The following NYAP2 variants were observed in gnomAD, a reference collection of about 807,000 sequenced individuals.
NYAP2 encodes neuronal tyrosine-phosphorylated phosphoinositide-3-kinase adaptor 2.
NYAP2 carries 23 observed loss-of-function variants against 50.4 expected under a neutral mutation model. The observed-to-expected ratio is 0.46, with a 90% confidence interval of 0.33 to 0.65. The LOEUF (loss-of-function observed/expected upper bound fraction) is 0.65, where lower values mean the gene tolerates loss of function less well. Ranked by LOEUF, NYAP2 falls within the 30% of genes least tolerant of loss-of-function variation. The probability of loss-of-function intolerance (pLI) is 0.02; values close to 1 mark genes in which losing one functional copy is unlikely to be tolerated. For missense variants in NYAP2, 885 were observed against 861.0 expected (o/e 1.03, Z -0.35); for synonymous variants, 394 against 365.2 (o/e 1.08, Z -0.90).
chr2:225,492,362 G>T (rs1363570568), intron 3 of NYAP2, among the ~76,000 whole-genome samples: 1 of 152,120 alleles, frequency 6.6e-6, no homozygotes, highest in Non-Finnish European at 1.5e-5. Flanking sequence ...CTGGGGATAG[G>T]TAGGCCTGCT....
At chr2:225,560,280 T>C (rs1691849346) in intron 4 of NYAP2, among the ~76,000 whole-genome samples, 1 of 152,170 alleles carries the variant, frequency 6.6e-6, no homozygotes, top group African/African-American at 2.4e-5. Context: ...TACTTTATTG[T>C]ATAGTTATAA....
intron 3 of NYAP2, among the ~76,000 whole-genome samples, chr2:225,469,684 G>A (rs550808941): frequency 1.3e-5 from 2 of 152,312 alleles, no homozygotes; most frequent in South Asian, 4.1e-4. Context: ...AGAAGGATGA[G>A]TTCGTGTCCT....
At chr2:225,672,627 T>A in the NYAP2 span, among the ~76,000 whole-genome samples, 1 of 152,164 alleles carries the variant, frequency 6.6e-6, no homozygotes, top group African/African-American at 2.4e-5. Context: ...ACGTGGCATT[T>A]GGCCTATATT....
At chr2:225,622,518 C>CTTTCTTCT (rs149175182) in intron 5 of NYAP2, among the ~76,000 whole-genome samples, 1 of 70,398 alleles carries the variant, frequency 1.4e-5, no homozygotes, top group African/African-American at 4.2e-5. Flanking sequence ...TTCTTTCTTT[C>CTTTCTTCT]TTCTTTCTTT....
intron 5 of NYAP2, among the ~76,000 whole-genome samples, chr2:225,595,952 T>A (rs998340716): frequency 6.6e-6 from 1 of 152,174 alleles, no homozygotes; most frequent in Non-Finnish European, 1.5e-5. Flanking sequence ...GGTTCTAGCA[T>A]TTTTCCTCTC....
the NYAP2 span, among the ~76,000 whole-genome samples, chr2:225,664,177 A>G: frequency 6.6e-6 from 1 of 152,200 alleles, no homozygotes; most frequent in Non-Finnish European, 1.5e-5. Flanking sequence ...AAATTTGCTG[A>G]TGTGCACCGG....
At position 225,590,263 on chromosome 2, in the gene NYAP2, G is replaced by A. The variant is rs551268603; in HGVS notation, c.1618+7228G>A. Among the ~76,000 whole-genome samples, 18 of 152,332 alleles carry A rather than the reference G, an allele frequency of 1.2e-4. No homozygotes were observed. The South Asian group carries it at 3.7e-3, about 32-fold the overall frequency. ...TGCCTTAGCAAGGGTCCTTCCAGCAGCTCAGGAGGGAAATCAAGCCAGGAC... is the reference window on the plus strand; with the variant it reads ...TGCCTTAGCAAGGGTCCTTCCAGCAACTCAGGAGGGAAATCAAGCCAGGAC... On this transcript the variant is annotated intron_variant, in intron 5 of 6. Coordinates refer to ENST00000636099, the Ensembl canonical transcript of NYAP2.
chr2:225,657,706 G>C (rs1251997238), downstream of NYAP2, among the ~76,000 whole-genome samples: 3 of 152,012 alleles, frequency 2.0e-5, no homozygotes, highest in African/African-American at 7.2e-5. Flanking sequence ...AGGCCACTAT[G>C]AGCATAGAGA....
chr2:225,631,623 C>G (rs1278527765), intron 6 of NYAP2, among the ~76,000 whole-genome samples: 2 of 152,134 alleles, frequency 1.3e-5, no homozygotes, highest in African/African-American at 2.4e-5. Flanking sequence ...ACTTGAACCT[C>G]TAGTCTACCC....
At chr2:225,637,923 T>A (rs947542511) in intron 6 of NYAP2, among the ~76,000 whole-genome samples, 1 of 152,124 alleles carries the variant, frequency 6.6e-6, no homozygotes, top group African/African-American at 2.4e-5. Context: ...AGATAATGAC[T>A]CTCACATTTC....
At chr2:225,605,474 A>G (rs1356272751) in intron 5 of NYAP2, among the ~76,000 whole-genome samples, 1 of 152,162 alleles carries the variant, frequency 6.6e-6, no homozygotes, top group East Asian at 1.9e-4. Flanking sequence ...AGAGTTGATT[A>G]TCTTTCTTAA....
At chr2:225,487,859 G>A (rs1477891270) in intron 3 of NYAP2, among the ~76,000 whole-genome samples, 2 of 152,118 alleles carry the variant, frequency 1.3e-5, no homozygotes, top group Non-Finnish European at 2.9e-5. Flanking sequence ...CAATTTTATA[G>A]GTGGCATTTC....
chr2:225,459,839 AT>A (rs575524310), intron 3 of NYAP2, among the ~76,000 whole-genome samples: 3 of 151,764 alleles, frequency 2.0e-5, no homozygotes, highest in Non-Finnish European at 4.4e-5. Flanking sequence ...CGCCTGGCTA[AT>A]TTTTTTGTGT....
At chr2:225,595,977 C>T in intron 5 of NYAP2, among the ~76,000 whole-genome samples, 1 of 152,130 alleles carries the variant, frequency 6.6e-6, no homozygotes, top group Non-Finnish European at 1.5e-5. Flanking sequence ...TTCTTTTAAA[C>T]CTTCATGAAA....
intron 3 of NYAP2, among the ~76,000 whole-genome samples, chr2:225,485,785 C>T (rs547846261): frequency 6.6e-6 from 1 of 152,128 alleles, no homozygotes; most frequent in Non-Finnish European, 1.5e-5. Context: ...GAGAAGCATG[C>T]CATTACCTCA....
At chr2:225,518,299 A>G (rs1690971701) in intron 4 of NYAP2, among the ~76,000 whole-genome samples, 1 of 151,726 alleles carries the variant, frequency 6.6e-6, no homozygotes, top group Non-Finnish European at 1.5e-5. Flanking sequence ...TAAAGTGTAA[A>G]AAAGTTAATC....
intron 4 of NYAP2, among the ~76,000 whole-genome samples, chr2:225,527,768 C>T (rs573926170): frequency 6.6e-6 from 1 of 152,110 alleles, no homozygotes; most frequent in African/African-American, 2.4e-5. Flanking sequence ...CCACCTCAGC[C>T]TCTCAAGTAG....
chr2:225,578,233 C>A (rs1191504482), intron 4 of NYAP2, among the ~76,000 whole-genome samples: 1 of 152,066 alleles, frequency 6.6e-6, no homozygotes, highest in Non-Finnish European at 1.5e-5. Context: ...GCACCCCACA[C>A]TCACACCTTC....
At chr2:225,666,822 A>T in the NYAP2 span, among the ~76,000 whole-genome samples, 1 of 151,940 alleles carries the variant, frequency 6.6e-6, no homozygotes, top group Non-Finnish European at 1.5e-5. Flanking sequence ...GAGATTCTTT[A>T]CAGATACATA....
Sources: allele counts gnomAD v4.1 joint callset (sites outside exome capture counted in the v4.1 genomes callset), GRCh38; gene constraint gnomAD v4.1.1; transcripts MANE v1.5; gene names NCBI Gene and HGNC (gene_info 2026-07-23, HGNC 2026-07-21).